Variants in FOXP1 observed in about 807,000 individuals in gnomAD.
The protein encoded by FOXP1 is forkhead box P1.
A neutral mutation model predicts 98.2 loss-of-function variants in FOXP1; 15 were observed. The observed-to-expected ratio is 0.15, with a 90% CI of 0.10 to 0.24. FOXP1 has a LOEUF of 0.24. Ranked by LOEUF, FOXP1 falls within the 10% of genes least tolerant of loss-of-function variation. The pLI is 1.00. For synonymous variants in FOXP1, 371 were observed against 314.5 expected, an observed-to-expected ratio of 1.18 and a Z score of -1.90; for missense variants, 633 against 848.5, an observed-to-expected ratio of 0.75 and a Z score of 3.15.
chr3:71,446,430 A>C (rs956694946), intron 3 of FOXP1, among the ~76,000 whole-genome samples: 2 of 152,098 alleles, frequency 1.3e-5, no homozygotes, highest in African/African-American at 2.4e-5. Context: ...CAGACAAGAC[A>C]TGCCCCCTGG....
intron 5 of FOXP1, among the ~76,000 whole-genome samples, chr3:71,254,106 A>G (rs978417231): frequency 6.6e-5 from 10 of 152,230 alleles, no homozygotes; most frequent in Non-Finnish European, 1.2e-4. Flanking sequence ...TAACAAATCT[A>G]TAAGAAATTT....
chr3:71,535,947 T>G (rs549980784), intron 2 of FOXP1, among the ~76,000 whole-genome samples: 39 of 152,268 alleles, frequency 2.6e-4, no homozygotes, highest in Admixed American at 7.2e-4. Flanking sequence ...CACTAAGTAT[T>G]CAGACAGAAT....
At chr3:71,427,990 A>T (rs1367739574) in intron 3 of FOXP1, among the ~76,000 whole-genome samples, 1 of 152,358 alleles carries the variant, frequency 6.6e-6, no homozygotes, top group Admixed American at 6.5e-5. Context: ...GGGCTATCTC[A>T]GAGTCCTCTA....
chr3:71,476,016 A>ACCAG (rs2089804951), intron 3 of FOXP1, among the ~76,000 whole-genome samples: 1 of 152,196 alleles, frequency 6.6e-6, no homozygotes, highest in African/African-American at 2.4e-5. Context: ...TTCTGGTATG[A>ACCAG]AATGCACAAG....
intron 6 of FOXP1, among the ~76,000 whole-genome samples, chr3:71,155,831 A>G (rs2060792829): frequency 1.3e-5 from 2 of 152,218 alleles, no homozygotes; most frequent in Non-Finnish European, 2.9e-5. Context: ...TTCCTTCTTG[A>G]AATCAGTGAA....
chr3:71,334,397 A>G (rs1466718127), intron 4 of FOXP1: 2 of 152,180 alleles, frequency 1.3e-5, no homozygotes, highest in African/African-American at 4.8e-5. Flanking sequence ...GACAAAGCTC[A>G]AAACTAAAAG....
At chr3:71,249,749 T>C (rs2068038974) in intron 5 of FOXP1, among the ~76,000 whole-genome samples, 1 of 152,006 alleles carries the variant, frequency 6.6e-6, no homozygotes. Context: ...CTGGCTCCAC[T>C]CAGTTGGAAG....
At chr3:71,518,599 T>A (rs557133831) in intron 2 of FOXP1, among the ~76,000 whole-genome samples, 1 of 152,330 alleles carries the variant, frequency 6.6e-6, no homozygotes, top group East Asian at 1.9e-4. Context: ...TGACCCTTGC[T>A]CTTTTCTCAA....
intron 5 of FOXP1, among the ~76,000 whole-genome samples, chr3:71,246,979 A>C (rs2067799319): frequency 6.6e-6 from 1 of 152,208 alleles, no homozygotes; most frequent in Non-Finnish European, 1.5e-5. Flanking sequence ...ATAAATCAAT[A>C]CATTCAATAC....
intron 2 of FOXP1, among the ~76,000 whole-genome samples, chr3:71,553,648 T>C (rs1304540451): frequency 2.0e-5 from 3 of 152,222 alleles, no homozygotes; most frequent in African/African-American, 7.2e-5. Flanking sequence ...TGTTCATTCT[T>C]TGAGTTATTA....
At chr3:71,331,040 A>T (rs1278199380) in intron 4 of FOXP1, among the ~76,000 whole-genome samples, 1 of 152,184 alleles carries the variant, frequency 6.6e-6, no homozygotes, top group Non-Finnish European at 1.5e-5. Flanking sequence ...GCCGCGCTTG[A>T]GGGGCCCTTC....
chr3:71,343,294 C>T (rs2077119274), intron 4 of FOXP1, among the ~76,000 whole-genome samples: 2 of 152,258 alleles, frequency 1.3e-5, no homozygotes, highest in South Asian at 2.1e-4. Flanking sequence ...TTCAAAATTC[C>T]TCTTCTTATG....
At chr3:71,581,301 C>T (rs995439822) in intron 2 of FOXP1, 56 of 985,238 alleles carry the variant, frequency 5.7e-5, no homozygotes, top group African/African-American at 4.5e-4. Context: ...GAGCACTTTA[C>T]ACTCCACGCT....
At chr3:71,149,786 C>A (rs952763923) in intron 6 of FOXP1, among the ~76,000 whole-genome samples, 1 of 152,114 alleles carries the variant, frequency 6.6e-6, no homozygotes, top group Non-Finnish European at 1.5e-5. Context: ...TGCATGTTTT[C>A]ATTCTTCTCT....
At chr3:71,583,932 C>T, upstream of FOXP1, 2 of 984,570 alleles carry the variant, frequency 2.0e-6, no homozygotes, top group South Asian at 4.7e-5. Flanking sequence ...TCCAGCGGCC[C>T]CCCGAGCGGG....
chr3:71,102,914 A>G (rs1183570233), intron 7 of FOXP1, among the ~76,000 whole-genome samples: 1 of 152,152 alleles, frequency 6.6e-6, no homozygotes, highest in African/African-American at 2.4e-5. Flanking sequence ...TAACTTCTCT[A>G]TGCTCCACTT....
intron 4 of FOXP1, among the ~76,000 whole-genome samples, chr3:71,319,217 G>A (rs1209043952): frequency 1.3e-5 from 2 of 152,102 alleles, no homozygotes; most frequent in Non-Finnish European, 2.9e-5. Flanking sequence ...AGCTTTTTGA[G>A]CTGTGTGGGG....
chr3:71,053,405 A>G (rs1218417123), intron 8 of FOXP1, among the ~76,000 whole-genome samples: 2 of 152,136 alleles, frequency 1.3e-5, no homozygotes, highest in Non-Finnish European at 2.9e-5. Flanking sequence ...ATCTCAGTCC[A>G]TCGGGTACTC....
At chr3:71,377,331 C>T (rs555412680) in intron 3 of FOXP1, among the ~76,000 whole-genome samples, 32 of 152,226 alleles carry the variant, frequency 2.1e-4, no homozygotes, top group South Asian at 6.2e-4. Flanking sequence ...TTCAGCAAAA[C>T]AATACTTGGA....
Sources: gnomAD v4.1 joint callset for allele counts (sites outside exome capture counted in the v4.1 genomes callset) on GRCh38, gnomAD v4.1.1 for gene constraint, MANE v1.5 for transcripts, NCBI Gene and HGNC (gene_info 2026-07-23, HGNC 2026-07-21) for gene names.